The following IFT172 variants were observed in gnomAD, a reference collection of about 807,000 sequenced individuals.
IFT172 encodes the protein intraflagellar transport 172, also known as intraflagellar transport protein 172 homolog.
IFT172 carries 164 observed loss-of-function variants against 248.9 expected under a neutral mutation model. The observed-to-expected ratio is 0.66, with a 90% CI of 0.58 to 0.75. The LOEUF (loss-of-function observed/expected upper bound fraction) is 0.75, where lower values mean the gene tolerates loss of function less well. IFT172 is among the 30% of genes least tolerant of loss of function. IFT172 has a pLI of 0.00. For missense variants in IFT172, 1,950 were observed against 2,192.4 expected (o/e 0.89, Z 2.21); for synonymous variants, 729 against 791.6 (o/e 0.92, Z 1.33).
Position 27,457,959 on chromosome 2 carries a change from T to C in IFT172, c.2993A>G (p.Gln998Arg), listed in dbSNP as rs1187088472. The C allele has an allele frequency of 2.5e-6, 4 of 1,614,196 alleles. No individual in the cohort carries two copies. Among genetic ancestry groups the C allele is most frequent in the East Asian group, 2.2e-5 (1 of 44,878 alleles). The stretch of plus-strand genomic sequence containing the variant: ...CATGGTGATGGCAAGATCAGGCTCT[T>C]GTACTGTCACATATAGCCTGGGGAA... ...REAERLYVTV[Q>R]EPDLAITMYK... is the part of the protein sequence containing the mutation. Residue 998 changes from glutamine (Q) to arginine (R), a missense_variant, in exon 28 of 48, where the codon CAA (glutamine) becomes CGA (arginine). This residue lies in a region of IFT172 where 1,166 missense variants were observed against 1,254.1 expected (regional missense o/e 0.93). Transcript: ENST00000260570.
At chr2:27,464,523 A>G (rs1666933881) in intron 18 of IFT172, among the ~76,000 whole-genome samples, 1 of 152,156 alleles carries the variant, frequency 6.6e-6, no homozygotes, top group South Asian at 2.1e-4. Context: ...TTATACACAT[A>G]TGCATAGATT....
intron 18 of IFT172, among the ~76,000 whole-genome samples, chr2:27,464,264 G>A (rs1462461494): frequency 1.3e-5 from 2 of 152,122 alleles, no homozygotes; most frequent in Admixed American, 6.5e-5. Flanking sequence ...GACATTTATC[G>A]AGCACTTTGC....
chr2:27,461,040 G>A lies in IFT172; in HGVS notation c.2496C>T (p.Tyr832=), dbSNP rs377514145. The A allele has an allele frequency of 1.2e-6, 2 of 1,614,128 alleles. No homozygotes were observed. Among genetic ancestry groups the A allele is most frequent in the Admixed American group, 3.3e-5 (2 of 60,022 alleles). ...CTTTCATGAATGCGTTGCCTTTACG[G>A]TAGCACTCCAGGGCCTTCTGTGGAT... ...IHNPQKALEC[Y]RKGNAFMKAV... The change falls in exon 23 of 48, where the codon TAC becomes TAT. Residue 832 remains tyrosine (Y), a synonymous_variant. Coordinates refer to ENST00000260570, the MANE Select transcript of IFT172 (RefSeq NM_015662.3).
intron 43 of IFT172, 22 bp downstream of exon 43, chr2:27,446,238 A>AC (rs772502337): frequency 8.7e-6 from 14 of 1,610,482 alleles, no homozygotes; most frequent in Non-Finnish European, 1.2e-5. Context: ...TATCTGCCCC[A>AC]CCCTTCCTTG....
At chr2:27,467,350 A>C (rs4560067) in intron 16 of IFT172, among the ~76,000 whole-genome samples, 1 of 140,126 alleles carries the variant, frequency 7.1e-6, no homozygotes, top group Middle Eastern at 3.5e-3. Context: ...AGGCAGGAGG[A>C]CTGCTTGAGC....
In IFT172 at chr2:27,459,537, A is replaced by T. The variant is rs757469546; in HGVS notation, c.2643-15T>A. On this transcript the variant is annotated splice_polypyrimidine_tract_variant and intron_variant, in intron 24 of 47. Transcript: ENST00000260570. The stretch of plus-strand genomic sequence containing the variant: ...TAATGGAGCACCTGGCAAAGTTGGG[A>T]AAGATATAAATATGTAGGATGAAAG... 2 of 1,613,804 alleles carry T rather than the reference A, an allele frequency of 1.2e-6. No individual in the cohort carries two copies. Among genetic ancestry groups the T allele is most frequent in the South Asian group, 2.2e-5 (2 of 91,034 alleles).
Position 27,457,768 on chromosome 2 carries a change from G to A in IFT172, c.3112-13C>T, listed in dbSNP as rs1158406503. ...CAGCCTCCAGCTCCTGCAGGAAGGT[G>A]AGTCAGGATGGAGAGATGGGGAGAT... On this transcript the variant is annotated splice_polypyrimidine_tract_variant and intron_variant, in intron 28 of 47. Coordinates refer to ENST00000260570, the MANE Select transcript of IFT172 (RefSeq NM_015662.3). 6 of 1,613,958 alleles carry A rather than the reference G, an allele frequency of 3.7e-6. No homozygotes were observed. In the South Asian group the frequency reaches 4.4e-5, roughly 12 times the overall value.
At chr2:27,450,949 C>CTTTT (rs540664992) in intron 35 of IFT172, among the ~76,000 whole-genome samples, 297 of 145,258 alleles carry the variant, frequency 2.0e-3, no homozygotes, top group Non-Finnish European at 3.2e-3. Context: ...TTATTTTTAC[C>CTTTT]TGTTTTTTTT....
chr2:27,480,844 C>A (rs1668303010), intron 8 of IFT172, among the ~76,000 whole-genome samples: 1 of 152,088 alleles, frequency 6.6e-6, no homozygotes, highest in African/African-American at 2.4e-5. Context: ...GGGAGCGGCA[C>A]AGAGACAAAA....
In IFT172 at chr2:27,477,449, C is replaced by T. The variant is rs1466079742; in HGVS notation, c.1221+110G>A. The T allele has an allele frequency of 2.3e-5, 28 of 1,212,126 alleles. No homozygotes were observed. In the Admixed American group the frequency reaches 4.5e-4, roughly 19 times the overall value. 75.1% of individuals were successfully genotyped at this position (1,212,126 alleles called of 1,614,324 possible). A position where few individuals can be genotyped will look rare whatever the true frequency, so the allele number is the denominator to read the frequency against. Reference sequence around the variant, plus strand: ...CTCTTACCCTGCCAATTTCATCCTCCCTGTTTCTTTATCTGCTGTTTCCCT... The same window carrying T: ...CTCTTACCCTGCCAATTTCATCCTCTCTGTTTCTTTATCTGCTGTTTCCCT... On this transcript the variant is annotated intron_variant, in intron 12 of 47. Transcript: ENST00000260570.
At chr2:27,489,567 C>G (rs772429580) in intron 1 of IFT172, 48 bp downstream of exon 1, 1 of 1,485,580 alleles carries the variant, frequency 6.7e-7, no homozygotes, top group African/African-American at 1.4e-5. Context: ...CCCCACTTTT[C>G]TTGGAACATA....
At chr2:27,468,423 G>A (rs1016201085) in intron 16 of IFT172, among the ~76,000 whole-genome samples, 3 of 151,664 alleles carry the variant, frequency 2.0e-5, no homozygotes, top group African/African-American at 7.3e-5. Flanking sequence ...TAGTAGAGAT[G>A]CGGTTTCGCC....
At chr2:27,450,962 T>TC (rs1283264789) in intron 35 of IFT172, among the ~76,000 whole-genome samples, 1 of 151,814 alleles carries the variant, frequency 6.6e-6, no homozygotes, top group African/African-American at 2.4e-5. Context: ...TTTTTTTTTT[T>TC]TTTTACTCTT....
rs1665879975 is a variant in IFT172, at chr2:27,453,459, G to A, written c.3876C>T (p.Tyr1292=). ...TGAGGTAGCAGTCCACGGCACGGCT[G>A]TACTCTCCAGCCTGCTCCCAGTGTC... ...QARHWEQAGE[Y]SRAVDCYLKV... Residue 1292 remains tyrosine (Y), a synonymous_variant, in exon 35 of 48, where the codon TAC becomes TAT. Transcript: ENST00000260570. 2.5e-6 allele frequency: 4 copies of A among 1,614,192 alleles called. No individual in the cohort carries two copies. The highest frequency in any genetic ancestry group is 3.4e-6 in the Non-Finnish European group (4 of 1,180,024).
intron 7 of IFT172, 69 bp downstream of exon 7, chr2:27,483,220 T>C (rs1225407975): frequency 2.3e-6 from 2 of 882,966 alleles, no homozygotes; most frequent in African/African-American, 1.7e-5. Context: ...TTTCACTGTG[T>C]TGCCCATGCT....
rs1000322111 is a variant in IFT172, at chr2:27,457,773, A to G, written c.3112-18T>C. 6.2e-7 allele frequency: 1 copy of G among 1,613,996 alleles called. No homozygotes were observed. The highest frequency in any genetic ancestry group is 1.7e-5 in the Admixed American group (1 of 59,992). On this transcript the variant is annotated intron_variant, in intron 28 of 47. Coordinates refer to ENST00000260570, the MANE Select transcript of IFT172 (RefSeq NM_015662.3). ...TCCAGCTCCTGCAGGAAGGTGAGTC[A>G]GGATGGAGAGATGGGGAGATGGAGC...
At chr2:27,477,877 C>T in intron 11 of IFT172, 118 bp downstream of exon 11, 1 of 1,287,378 alleles carries the variant, frequency 7.8e-7, no homozygotes, top group African/African-American at 1.5e-5. Flanking sequence ...AAACCAGGTC[C>T]CCTACACCAG....
At position 27,461,469 on chromosome 2, in the gene IFT172, T is replaced by A; in HGVS notation, c.2242A>T (p.Met748Leu). The A allele has an allele frequency of 1.2e-6, 2 of 1,614,050 alleles. No homozygotes were observed. The highest frequency in any genetic ancestry group is 1.7e-5 in the Admixed American group (1 of 60,022). ...GCTCGCTCCTCTTGCTGTGTGTCCA[T>A]CAGCCACTGGTAGTAACTACGACGT... ...KLRRSYYQWL[M>L]DTQQEERAGE... The change falls in exon 22 of 48, where the codon ATG becomes TTG. Residue 748 changes from methionine to leucine, a missense_variant. This residue lies in a region of IFT172 where 1,166 missense variants were observed against 1,254.1 expected (regional missense o/e 0.93). Coordinates refer to ENST00000260570, the MANE Select transcript of IFT172 (RefSeq NM_015662.3).
chr2:27,460,776 A>G (rs1666591268), intron 23 of IFT172, among the ~76,000 whole-genome samples: 1 of 128,906 alleles, frequency 7.8e-6, no homozygotes, highest in East Asian at 2.2e-4. Context: ...TGATCAATAA[A>G]TACTAAGGGA....
Sources: allele counts gnomAD v4.1 joint callset (sites outside exome capture counted in the v4.1 genomes callset), GRCh38; gene constraint gnomAD v4.1.1; regional missense constraint gnomAD v4.1.1; transcripts MANE v1.5; gene names NCBI Gene and HGNC (gene_info 2026-07-23, HGNC 2026-07-21).